Variants in SLC7A8 observed in about 807,000 individuals in gnomAD.
SLC7A8 encodes the protein solute carrier family 7 member 8.
A neutral mutation model predicts 51.2 loss-of-function variants in SLC7A8; 30 were observed. The observed-to-expected ratio is 0.59, with a 90% confidence interval of 0.44 to 0.80. SLC7A8 has a LOEUF of 0.80. SLC7A8 is among the 30% of genes least tolerant of loss of function. The pLI is 0.00. For synonymous variants in SLC7A8, 257 were observed against 275.8 expected, an observed-to-expected ratio of 0.93 and a Z score of 0.67; for missense variants, 612 against 674.4, an observed-to-expected ratio of 0.91 and a Z score of 1.03.
chr14:23,177,670 A>T (rs1876983180), intron 1 of SLC7A8, among the ~76,000 whole-genome samples: 1 of 152,226 alleles, frequency 6.6e-6, no homozygotes, highest in Non-Finnish European at 1.5e-5. Context: ...CACGGCTGGG[A>T]AGAACACTGG....
In SLC7A8 at chr14:23,166,320, C is replaced by G; in HGVS notation, c.356+16G>C. 1 of 1,611,998 alleles carries G rather than the reference C, an allele frequency of 6.2e-7. No individual in the cohort carries two copies. The highest frequency in any genetic ancestry group is 1.1e-5 in the South Asian group (1 of 91,062). On this transcript the variant is annotated intron_variant, in intron 2 of 10. Coordinates refer to ENST00000316902, the MANE Select transcript of SLC7A8 (RefSeq NM_012244.4). ...CTTTTCCCCTAGACCATTCAGGTCT[C>G]CACAGATCCTCTTACCCAGCCAGTC...
chr14:23,165,467 G>T lies in SLC7A8; in HGVS notation c.357-31C>A. The T allele has an allele frequency of 3.2e-6, 5 of 1,568,212 alleles. No individual in the cohort carries two copies. Among genetic ancestry groups the T allele is most frequent in the Non-Finnish European group, 4.3e-6 (5 of 1,163,352 alleles). On this transcript the variant is annotated intron_variant, in intron 2 of 10. Transcript: ENST00000316902. This position sits in a 1 kb window ranked among gnomAD's most constrained non-coding sequence, Gnocchi z 4.2. ...GGAGGAAAGGGACATCCGCCGAAAG[G>T]CATGGCAGGGACGCAGAGCCATCAG...
chr14:23,180,177 A>G (rs1474634062), intron 1 of SLC7A8, among the ~76,000 whole-genome samples: 2 of 152,250 alleles, frequency 1.3e-5, no homozygotes, highest in Admixed American at 6.5e-5. Context: ...AAGTGCTGGG[A>G]TTACAGGTGT....
intron 3 of SLC7A8, chr14:23,156,326 T>C (rs533553856): frequency 1.6e-3 from 248 of 152,346 alleles, no homozygotes; most frequent in Non-Finnish European, 2.7e-3. Context: ...AGGAACACTT[T>C]GTGAATTTGC....
chr14:23,128,273 CTCT>C lies in SLC7A8; in HGVS notation c.1264-80_1264-78del. On this transcript the variant is annotated intron_variant, in intron 9 of 10. Coordinates refer to ENST00000316902, the MANE Select transcript of SLC7A8 (RefSeq NM_012244.4). This position sits in a 1 kb window ranked among gnomAD's most constrained non-coding sequence, Gnocchi z 4.3. ...AGGACTAGGGACTGGGGCATTCTCT[CTCT>C]TCTTCACCCACAGAGACACATCCTC... 6.3e-7 allele frequency: 1 copy of C among 1,581,144 alleles called. No individual in the cohort carries two copies. Among genetic ancestry groups the C allele is most frequent in the Non-Finnish European group, 8.6e-7 (1 of 1,164,088 alleles).
Position 23,165,402 on chromosome 14 carries a change from A to G in SLC7A8, c.391T>C (p.Tyr131His). ...GCGATGACAGCCTGGTTGGTGGGGT[A>G]GATCACCAGCACAGCAATCCACAGC... ...LRLWIAVLVIYPTNQAVIALT... is the reference protein window; with the variant it reads ...LRLWIAVLVIHPTNQAVIALT... Residue 131 changes from tyrosine to histidine, a missense_variant, in exon 3 of 11, where the codon TAC (tyrosine) becomes CAC (histidine). Physicochemically the swap from Tyr to His is moderately conservative, Grantham distance 83 (BLOSUM62 2). Transcript: ENST00000316902. The surrounding 1 kb of genome is among the most constrained non-coding windows in gnomAD (Gnocchi z 4.2). 6.3e-7 allele frequency: 1 copy of G among 1,597,900 alleles called. No homozygotes were observed. The highest frequency in any genetic ancestry group is 8.5e-7 in the Non-Finnish European group (1 of 1,173,666).
At chr14:23,142,933 C>A in intron 4 of SLC7A8, 146 bp downstream of exon 4, 1 of 1,099,120 alleles carries the variant, frequency 9.1e-7, no homozygotes. Context: ...TCCCTTTTGT[C>A]AAGCAAGGGA....
At chr14:23,167,875 A>G (rs74036933) in intron 1 of SLC7A8, among the ~76,000 whole-genome samples, 3,368 of 152,232 alleles carry the variant, frequency 0.022, 130 homozygotes, top group African/African-American at 0.077. Context: ...GGAGATTGTA[A>G]GGTGCTACGC....
chr14:23,135,150 C>T (rs186585934), intron 7 of SLC7A8, among the ~76,000 whole-genome samples: 15 of 152,076 alleles, frequency 9.9e-5, no homozygotes, highest in Admixed American at 2.6e-4. Context: ...TGCAGTGTCA[C>T]GATCTCGGCT....
In SLC7A8 at chr14:23,183,195, A is replaced by C. The variant is rs2140345867; in HGVS notation, c.-281T>G. On this transcript the variant is annotated 5_prime_UTR_variant, in exon 1 of 11. Coordinates refer to ENST00000316902, the MANE Select transcript of SLC7A8 (RefSeq NM_012244.4). ...ACATACATTTAAATATAAAAATAGA[A>C]CTGTGCCAGCGACTCCGGCTGGAAT... The C allele has an allele frequency of 8.5e-6, 3 of 350,908 alleles. No individual in the cohort carries two copies. Among genetic ancestry groups the C allele is most frequent in the Non-Finnish European group, 1.6e-5 (3 of 192,858 alleles). 21.7% of individuals were successfully genotyped at this position (350,908 alleles called of 1,614,324 possible). A position where few individuals can be genotyped will look rare whatever the true frequency, so the allele number is the denominator to read the frequency against.
chr14:23,171,310 A>G (rs1197431209), intron 1 of SLC7A8, among the ~76,000 whole-genome samples: 1 of 152,220 alleles, frequency 6.6e-6, no homozygotes, highest in African/African-American at 2.4e-5. Context: ...AGAAAAACCA[A>G]GCAAATCATT....
intron 1 of SLC7A8, among the ~76,000 whole-genome samples, chr14:23,178,754 A>T (rs924050301): frequency 6.7e-6 from 1 of 150,250 alleles, no homozygotes. Context: ...TCTCTAAAAA[A>T]AATTAAAAAT....
At chr14:23,155,878 T>G (rs956779115) in intron 3 of SLC7A8, among the ~76,000 whole-genome samples, 1 of 152,214 alleles carries the variant, frequency 6.6e-6, no homozygotes, top group African/African-American at 2.4e-5. Context: ...TAGGCTCTGT[T>G]GGTGTTCACT....
chr14:23,138,696 T>C (rs2048714147), intron 6 of SLC7A8, among the ~76,000 whole-genome samples: 1 of 152,242 alleles, frequency 6.6e-6, no homozygotes, highest in African/African-American at 2.4e-5. Flanking sequence ...TTAAGGACTA[T>C]ACAATGCAGG....
At position 23,129,713 on chromosome 14, in the gene SLC7A8, C is replaced by A; in HGVS notation, c.1200G>T (p.Gly400=). 2 of 1,614,150 alleles carry A rather than the reference C, an allele frequency of 1.2e-6. No homozygotes were observed. The highest frequency in any genetic ancestry group is 1.7e-6 in the Non-Finnish European group (2 of 1,180,022). ...GGACTATCTGTCCAGCAACCGTGAC[C>A]CCATAGAAGAGGTAGTTGATGAAGC... ...YVGFINYLFY[G]VTVAGQIVLR... is the part of the protein sequence containing the mutation. Residue 400 remains glycine, a synonymous_variant, in exon 9 of 11, where the codon GGG becomes GGT. Coordinates refer to ENST00000316902, the MANE Select transcript of SLC7A8 (RefSeq NM_012244.4).
chr14:23,166,825 G>A (rs1302741662), intron 1 of SLC7A8, among the ~76,000 whole-genome samples: 3 of 152,178 alleles, frequency 2.0e-5, no homozygotes, highest in Non-Finnish European at 4.4e-5. Context: ...TTTTACAGAG[G>A]AGGAAACTGA....
chr14:23,177,586 A>G (rs1446622797), intron 1 of SLC7A8, among the ~76,000 whole-genome samples: 1 of 152,224 alleles, frequency 6.6e-6, no homozygotes, highest in African/African-American at 2.4e-5. Context: ...CAAGACACAG[A>G]TTCTGGTTAC....
chr14:23,128,185 C>T lies in SLC7A8; in HGVS notation c.1275G>A (p.Leu425=), dbSNP rs1227128995. Residue 425 remains leucine, a synonymous_variant, in exon 10 of 11, where the codon CTG becomes CTA. Transcript: ENST00000316902. This position sits in a 1 kb window ranked among gnomAD's most constrained non-coding sequence, Gnocchi z 4.3. The part of the protein sequence containing the change: ...DIPRPIKINL[L]FPIIYLLFWA... Reference sequence around the variant, plus strand: ...AGAACAGCAAGTAGATGATGGGGAACAGCAGGTTGATCTGTGGAGCAGAGG... The same window carrying T: ...AGAACAGCAAGTAGATGATGGGGAATAGCAGGTTGATCTGTGGAGCAGAGG... 1 of 1,613,980 alleles carries T rather than the reference C, an allele frequency of 6.2e-7. No individual in the cohort carries two copies. The highest frequency in any genetic ancestry group is 8.5e-7 in the Non-Finnish European group (1 of 1,179,992).
chr14:23,126,879 G>A lies in SLC7A8; in HGVS notation c.*298C>T. 4.6e-6 allele frequency: 2 copies of A among 431,354 alleles called. No homozygotes were observed. Among genetic ancestry groups the A allele is most frequent in the East Asian group, 8.4e-5 (2 of 23,704 alleles). The allele number at this position is 431,354 out of a possible 1,614,324, so 26.7% of individuals were successfully genotyped here. Reference sequence around the variant, plus strand: ...GGTTCCTGAAGAGGCAGCTGAGGGTGTGGCCCGGAGGGAGGTCCTGCAGGG... The same window carrying A: ...GGTTCCTGAAGAGGCAGCTGAGGGTATGGCCCGGAGGGAGGTCCTGCAGGG... On this transcript the variant is annotated 3_prime_UTR_variant, in exon 11 of 11. Transcript: ENST00000316902.
Sources: gnomAD v4.1 joint callset for allele counts (sites outside exome capture counted in the v4.1 genomes callset) on GRCh38, gnomAD v4.1.1 for gene constraint, Gnocchi (gnomAD v3.1) non-coding constraint, MANE v1.5 for transcripts, NCBI Gene and HGNC (gene_info 2026-07-23, HGNC 2026-07-21) for gene names.